Variants in CDH12 observed in about 807,000 individuals in gnomAD.
CDH12 encodes the protein cadherin-12.
In CDH12, 41 loss-of-function variants were observed where a neutral mutation model predicts 74.1. The observed-to-expected ratio is 0.55, with a 90% CI of 0.43 to 0.72. CDH12 has a LOEUF of 0.72. Among genes scored for constraint, CDH12 ranks in the 30% least tolerant of loss-of-function variants. CDH12 has a pLI of 0.00. For missense variants in CDH12, 945 were observed against 977.2 expected, an observed-to-expected ratio of 0.97 and a Z score of 0.44; for synonymous variants, 399 against 355.0, an observed-to-expected ratio of 1.12 and a Z score of -1.39.
intron 2 of CDH12, among the ~76,000 whole-genome samples, chr5:22,425,062 TTATA>T (rs536783287): frequency 0.024 from 3,257 of 133,910 alleles, 62 homozygotes; most frequent in African/African-American, 0.044. Context: ...ATTTTTACAT[TTATA>T]TATATATATA....
At chr5:22,663,510 A>G (rs1358895751) in intron 1 of CDH12, among the ~76,000 whole-genome samples, 4 of 152,190 alleles carry the variant, frequency 2.6e-5, no homozygotes, top group Non-Finnish European at 5.9e-5. Context: ...TTATGTTGCC[A>G]TAGGCTATTA....
intron 4 of CDH12, among the ~76,000 whole-genome samples, chr5:22,080,057 T>C (rs1330100155): frequency 1.3e-5 from 2 of 152,314 alleles, no homozygotes; most frequent in African/African-American, 2.4e-5. Flanking sequence ...GGTGATTTTA[T>C]GCATTTGGCA....
At chr5:21,921,688 G>C (rs1178011067) in intron 6 of CDH12, among the ~76,000 whole-genome samples, 1 of 152,096 alleles carries the variant, frequency 6.6e-6, no homozygotes, top group South Asian at 2.1e-4. Context: ...AGATATGATG[G>C]GGAAGAATCT....
intron 3 of CDH12, among the ~76,000 whole-genome samples, chr5:22,229,397 A>C (rs1752309476): frequency 7.0e-6 from 1 of 143,246 alleles, no homozygotes; most frequent in African/African-American, 2.6e-5. Flanking sequence ...ATAACATAGG[A>C]TTTGGGGCCT....
At chr5:22,452,249 T>C (rs1023911741) in intron 2 of CDH12, among the ~76,000 whole-genome samples, 2 of 151,768 alleles carry the variant, frequency 1.3e-5, no homozygotes, top group African/African-American at 4.8e-5. Context: ...CCACAAAATA[T>C]CACAAGGAAC....
chr5:22,585,115 T>C (rs1241424359), intron 1 of CDH12, among the ~76,000 whole-genome samples: 1 of 152,226 alleles, frequency 6.6e-6, no homozygotes, highest in African/African-American at 2.4e-5. Context: ...TCTGGTAGAA[T>C]ATACTTCTGT....
At chr5:22,461,620 A>T (rs954755974) in intron 2 of CDH12, among the ~76,000 whole-genome samples, 60 of 152,172 alleles carry the variant, frequency 3.9e-4, no homozygotes, top group African/African-American at 1.4e-3. Flanking sequence ...CTTTGTAAAA[A>T]AAATTTATAA....
intron 1 of CDH12, among the ~76,000 whole-genome samples, chr5:22,526,065 G>A (rs1459654065): frequency 1.3e-5 from 2 of 151,984 alleles, no homozygotes; most frequent in South Asian, 2.1e-4. Flanking sequence ...TCTCAAAGCC[G>A]AAAGAGTCTT....
chr5:22,163,624 T>A lies in CDH12; in HGVS notation c.-187+48874A>T, dbSNP rs531668199. The stretch of plus-strand genomic sequence containing the variant: ...TCATAATTTGAACATTTTCACCATC[T>A]TTGTTAGAATTATCCTGACATGAGA... On this transcript the variant is annotated intron_variant, in intron 4 of 14. Transcript: ENST00000382254. 7.2e-5 allele frequency among the ~76,000 whole-genome samples: 11 copies of A among 152,362 alleles called. No homozygotes were observed. The East Asian group carries it at 1.9e-3, about 27-fold the overall frequency.
At position 21,839,567 on chromosome 5, in the gene CDH12, C is replaced by T. The variant is rs536570644; in HGVS notation, c.814+2594G>A. Among the ~76,000 whole-genome samples the T allele has an allele frequency of 7.9e-5, 12 of 151,838 alleles. No homozygotes were observed. In the South Asian group the frequency reaches 2.5e-3, roughly 32 times the overall value. ...ATTTGGTCACTAAACTAAAACATTT[C>T]CATCAGTAAAATATAGGTTTATGAT... On this transcript the variant is annotated intron_variant, in intron 8 of 14. Transcript: ENST00000382254.
At chr5:22,600,695 T>A (rs1736816611) in intron 1 of CDH12, among the ~76,000 whole-genome samples, 1 of 152,116 alleles carries the variant, frequency 6.6e-6, no homozygotes, top group South Asian at 2.1e-4. Context: ...ATTTTTCCTT[T>A]GGTACTATTT....
At chr5:21,996,963 G>T (rs1580087222) in intron 5 of CDH12, among the ~76,000 whole-genome samples, 1 of 152,008 alleles carries the variant, frequency 6.6e-6, no homozygotes, top group African/African-American at 2.4e-5. Context: ...TGTTTGAAGA[G>T]AAAAATGTAA....
At chr5:22,481,599 A>T (rs1746387798) in intron 2 of CDH12, among the ~76,000 whole-genome samples, 1 of 152,224 alleles carries the variant, frequency 6.6e-6, no homozygotes, top group Non-Finnish European at 1.5e-5. Flanking sequence ...CAAGCCAGTC[A>T]CAGGAAAAAT....
At chr5:22,434,671 T>C (rs948958177) in intron 2 of CDH12, among the ~76,000 whole-genome samples, 1 of 152,192 alleles carries the variant, frequency 6.6e-6, no homozygotes, top group Non-Finnish European at 1.5e-5. Flanking sequence ...AACGTCATTT[T>C]AATGCAGGGG....
At chr5:22,413,363 T>C (rs1049263427) in intron 2 of CDH12, among the ~76,000 whole-genome samples, 1 of 151,816 alleles carries the variant, frequency 6.6e-6, no homozygotes, top group Non-Finnish European at 1.5e-5. Flanking sequence ...ATAAGAAAAC[T>C]AGGACAGAGT....
intron 6 of CDH12, among the ~76,000 whole-genome samples, chr5:21,903,636 T>G (rs879078071): frequency 3.3e-5 from 5 of 152,272 alleles, no homozygotes; most frequent in Admixed American, 3.3e-4. Flanking sequence ...GTTTCCCCTA[T>G]TTGGTGCCTA....
At chr5:22,273,222 TCA>T (rs1178057930) in intron 3 of CDH12, among the ~76,000 whole-genome samples, 1 of 152,020 alleles carries the variant, frequency 6.6e-6, no homozygotes, top group Non-Finnish European at 1.5e-5. Flanking sequence ...AAATCACTGA[TCA>T]CAGATTACCA....
chr5:22,602,198 A>G (rs1736883345), intron 1 of CDH12, among the ~76,000 whole-genome samples: 3 of 152,100 alleles, frequency 2.0e-5, no homozygotes, highest in Non-Finnish European at 4.4e-5. Flanking sequence ...GACTTCTCTC[A>G]CCTATGACTT....
At chr5:22,780,170 G>A (rs767290574) in intron 1 of CDH12, among the ~76,000 whole-genome samples, 2 of 152,110 alleles carry the variant, frequency 1.3e-5, no homozygotes, top group Non-Finnish European at 2.9e-5. Context: ...AGGATCACTT[G>A]AGGCCAGGAG....
Sources: allele counts gnomAD v4.1 joint callset (sites outside exome capture counted in the v4.1 genomes callset), GRCh38; gene constraint gnomAD v4.1.1; transcripts MANE v1.5; gene names NCBI Gene and HGNC (gene_info 2026-07-23, HGNC 2026-07-21).